MYO16: variants seen among roughly 807,000 people sequenced by gnomAD.
The protein encoded by MYO16 is unconventional myosin-XVI.
MYO16 carries 94 observed loss-of-function variants against 205.3 expected under a neutral mutation model. The observed-to-expected ratio is 0.46, with a 90% CI of 0.39 to 0.54. The LOEUF is 0.54. Among genes scored for constraint, MYO16 ranks in the 20% least tolerant of loss-of-function variants. The pLI, the probability that MYO16 is intolerant of heterozygous loss-of-function variation, is 0.00. For synonymous variants in MYO16, 988 were observed against 954.0 expected (o/e 1.04, Z -0.66); for missense variants, 2,315 against 2,387.5 (o/e 0.97, Z 0.63).
intron 2 of MYO16, among the ~76,000 whole-genome samples, chr13:108,675,781 G>T (rs1882177555): frequency 6.6e-6 from 1 of 152,160 alleles, no homozygotes. Flanking sequence ...TCTGATATGA[G>T]AACATCATGA....
chr13:109,164,312 C>A (rs1878536041), intron 32 of MYO16, among the ~76,000 whole-genome samples: 1 of 152,210 alleles, frequency 6.6e-6, no homozygotes, highest in South Asian at 2.1e-4. Flanking sequence ...TCATCAGGCC[C>A]TTCAGTGGAA....
intron 11 of MYO16, among the ~76,000 whole-genome samples, chr13:108,860,844 G>A (rs1377924778): frequency 6.6e-6 from 1 of 152,010 alleles, no homozygotes; most frequent in East Asian, 1.9e-4. Context: ...TAAAAACCCA[G>A]GAAGACAACC....
At chr13:108,625,747 G>A (rs1038121654), upstream of MYO16, among the ~76,000 whole-genome samples, 1 of 152,184 alleles carries the variant, frequency 6.6e-6, no homozygotes, top group Non-Finnish European at 1.5e-5. Context: ...AAAAACTGTT[G>A]TGTGTGATTT....
At chr13:108,651,202 C>T (rs544840695) in intron 1 of MYO16, among the ~76,000 whole-genome samples, 120 of 152,244 alleles carry the variant, frequency 7.9e-4, no homozygotes, top group African/African-American at 2.7e-3. Context: ...GCACTCTGTG[C>T]GCTGGGGCCT....
At chr13:108,871,350 G>GTGTGTATGTGTA (rs35821571) in intron 12 of MYO16, among the ~76,000 whole-genome samples, 2 of 147,212 alleles carry the variant, frequency 1.4e-5, no homozygotes, top group Non-Finnish European at 3.0e-5. Flanking sequence ...GTGTGTGTGT[G>GTGTGTATGTGTA]TGTGTGTGTG....
chr13:109,134,814 G>T (rs1594113947), intron 31 of MYO16, among the ~76,000 whole-genome samples: 1 of 152,166 alleles, frequency 6.6e-6, no homozygotes, highest in South Asian at 2.1e-4. Flanking sequence ...TAGGAAAGGA[G>T]AAACAGATTC....
At chr13:109,134,252 T>G (rs927044190) in intron 31 of MYO16, among the ~76,000 whole-genome samples, 4 of 152,206 alleles carry the variant, frequency 2.6e-5, no homozygotes, top group Non-Finnish European at 5.9e-5. Context: ...TTTGGACCCT[T>G]GAGTCAGGTT....
intron 6 of MYO16, among the ~76,000 whole-genome samples, chr13:108,796,553 G>T (rs1208936697): frequency 6.6e-6 from 1 of 152,134 alleles, no homozygotes; most frequent in Non-Finnish European, 1.5e-5. Context: ...TTAAGAAAAT[G>T]TGGCACATGT....
At chr13:108,844,724 A>G (rs536547305) in intron 10 of MYO16, among the ~76,000 whole-genome samples, 1 of 152,252 alleles carries the variant, frequency 6.6e-6, no homozygotes, top group South Asian at 2.1e-4. Flanking sequence ...ACTTATAACC[A>G]GGAATATAAG....
chr13:108,634,118 A>G (rs897652294), intron 1 of MYO16, among the ~76,000 whole-genome samples: 5 of 152,112 alleles, frequency 3.3e-5, no homozygotes, highest in Admixed American at 3.3e-4. Context: ...TAACATCATG[A>G]TCAAACATCT....
At chr13:108,613,423 G>T (rs1202754932) in intron 1 of MYO16, among the ~76,000 whole-genome samples, 3 of 151,956 alleles carry the variant, frequency 2.0e-5, no homozygotes, top group Admixed American at 6.6e-5. Context: ...TCCTGGTTAT[G>T]TTCATGGAAG....
chr13:108,978,972 C>A (rs370293735), intron 20 of MYO16, among the ~76,000 whole-genome samples: 67 of 152,028 alleles, frequency 4.4e-4, no homozygotes, highest in African/African-American at 1.3e-3. Context: ...TAAATCATAG[C>A]TAGCTTTGTT....
At chr13:109,146,072 G>T (rs898544871) in intron 32 of MYO16, among the ~76,000 whole-genome samples, 1 of 152,162 alleles carries the variant, frequency 6.6e-6, no homozygotes, top group African/African-American at 2.4e-5. Context: ...GCATATAGTA[G>T]GTGGCTATTA....
intron 5 of MYO16, among the ~76,000 whole-genome samples, chr13:108,790,292 G>C (rs1438651468): frequency 6.6e-6 from 1 of 152,180 alleles, no homozygotes. Context: ...GGTTCAGATT[G>C]ACTTCGGGAG....
rs759392056 is a variant in MYO16 at position 109,179,560 on chromosome 13, G to T, written c.5342G>T (p.Gly1781Val). 1.2e-6 allele frequency: 2 copies of T among 1,613,808 alleles called. No individual in the cohort carries two copies. The highest frequency in any genetic ancestry group is 2.2e-5 in the East Asian group (1 of 44,882). The change falls in exon 34 of 35, where the codon GGA becomes GTA. Residue 1781 changes from glycine (G) to valine (V), a missense_variant. Around this residue, in one of 3 missense-constraint regions of MYO16, gnomAD observed 1,097 missense variants for 1,092.0 expected, o/e 1.00. Coordinates refer to ENST00000457511, the MANE Select transcript of MYO16 (RefSeq NM_001198950.3). ...SISNGLPEED[G>V]YSRLSISGTG... is the part of the protein sequence containing the mutation. ...TCAATAGGTTTACCTGAAGAAGATG[G>T]ATACTCACGGTTGTCTATAAGTGGC...
At chr13:108,660,692 G>C (rs566056681) in intron 1 of MYO16, among the ~76,000 whole-genome samples, 2 of 152,284 alleles carry the variant, frequency 1.3e-5, no homozygotes, top group Non-Finnish European at 2.9e-5. Flanking sequence ...GTCTCTTGAA[G>C]GCAGCAGATA....
intron 16 of MYO16, among the ~76,000 whole-genome samples, chr13:108,930,863 T>C (rs1252297713): frequency 6.6e-6 from 1 of 152,190 alleles, no homozygotes; most frequent in African/African-American, 2.4e-5. Context: ...TAGTAAAGTT[T>C]GAGTTATAAA....
chr13:108,733,211 T>C (rs781280234), intron 4 of MYO16, among the ~76,000 whole-genome samples: 8 of 152,200 alleles, frequency 5.3e-5, no homozygotes, highest in Non-Finnish European at 1.0e-4. Context: ...ACCACAAATG[T>C]GTTTTGTTTT....
At chr13:108,634,817 G>A (rs1027697489) in intron 1 of MYO16, among the ~76,000 whole-genome samples, 8 of 152,044 alleles carry the variant, frequency 5.3e-5, no homozygotes, top group African/African-American at 1.2e-4. Flanking sequence ...TTCTTCGGGC[G>A]TGGCCCTAAC....
Sources: gnomAD v4.1 joint callset for allele counts (sites outside exome capture counted in the v4.1 genomes callset) on GRCh38, gnomAD v4.1.1 for gene constraint, gnomAD v4.1.1 regional missense constraint, MANE v1.5 for transcripts, NCBI Gene and HGNC (gene_info 2026-07-23, HGNC 2026-07-21) for gene names.